Variants in SH2B2 observed in about 807,000 individuals in gnomAD.
SH2B2 encodes SH2B adapter protein 2.
Under a neutral mutation model 35.7 loss-of-function variants are expected in SH2B2, and 37 were observed. That is an observed-to-expected ratio of 1.04 (90% CI 0.80 to 1.36). The LOEUF (loss-of-function observed/expected upper bound fraction) is 1.36. SH2B2 is among the 40% of genes most tolerant of loss of function. The probability of loss-of-function intolerance (pLI) is 0.00; values close to 1 mark genes in which losing one functional copy is unlikely to be tolerated. For synonymous variants in SH2B2, 383 were observed against 376.4 expected, an observed-to-expected ratio of 1.02 and a Z score of -0.20; for missense variants, 852 against 817.7, an observed-to-expected ratio of 1.04 and a Z score of -0.51.
chr7:102,312,425 G>T (rs878983513), intron 4 of SH2B2, among the ~76,000 whole-genome samples: 1 of 152,164 alleles, frequency 6.6e-6, no homozygotes, highest in East Asian at 1.9e-4. Flanking sequence ...GTTCAGCAAA[G>T]TATGGACAGC....
chr7:102,320,207 C>A, intron 7 of SH2B2, 124 bp from the exon 8 acceptor site: 1 of 797,478 alleles, frequency 1.3e-6, no homozygotes, highest in Non-Finnish European at 2.0e-6. Flanking sequence ...TGTGAGGGGC[C>A]CCCGGCCCTG....
Position 102,300,595 on chromosome 7 carries a change from AGTCCCG to A in SH2B2, c.59_64del (p.Val20_Pro21del), listed in dbSNP as rs1401756594. 4 of 1,550,114 alleles carry A rather than the reference AGTCCCG, an allele frequency of 2.6e-6. No individual in the cohort carries two copies. Among genetic ancestry groups the A allele is most frequent in the South Asian group, 1.2e-5 (1 of 83,894 alleles). ...GCCCCGCCGCAGCCGCCCCGGTCCC[AGTCCCG>A]GTCCCGGTCCCGGACTGGCGGCAGT... On this transcript the variant is annotated inframe_deletion, in exon 2 of 9. Transcript: ENST00000444095.
At chr7:102,311,595 C>T (rs968171268) in intron 4 of SH2B2, among the ~76,000 whole-genome samples, 3 of 130,252 alleles carry the variant, frequency 2.3e-5, no homozygotes, top group Admixed American at 1.8e-4. Flanking sequence ...GGATCGGGAT[C>T]GTGCTATGTT....
In SH2B2 at chr7:102,306,832, C is replaced by G; in HGVS notation, c.831+10C>G. The G allele has an allele frequency of 6.4e-7, 1 of 1,555,892 alleles. No individual in the cohort carries two copies. The highest frequency in any genetic ancestry group is 8.7e-7 in the Non-Finnish European group (1 of 1,145,500). On this transcript the variant is annotated intron_variant, in intron 3 of 8. Transcript: ENST00000444095. Reference sequence around the variant, plus strand: ...CACATTCGTCCTCAAGGTGAGGTCTCACCCCTAACCTCAGAGATCCTCCAG... The same window carrying G: ...CACATTCGTCCTCAAGGTGAGGTCTGACCCCTAACCTCAGAGATCCTCCAG...
At chr7:102,285,963 G>T (rs1554550787), upstream of SH2B2, among the ~76,000 whole-genome samples, 1 of 152,144 alleles carries the variant, frequency 6.6e-6, no homozygotes, top group Non-Finnish European at 1.5e-5. Context: ...ACCTCTTTCA[G>T]GAAGCCTCCC....
At chr7:102,288,239 C>T (rs1246742365) in intron 1 of SH2B2, among the ~76,000 whole-genome samples, 2 of 152,052 alleles carry the variant, frequency 1.3e-5, no homozygotes, top group Non-Finnish European at 2.9e-5. Flanking sequence ...CCCTCCTGGC[C>T]TCCCCACTCC....
Position 102,316,255 on chromosome 7 carries a change from T to TG in SH2B2, c.1187-931dup, listed in dbSNP as rs758316624. ...TTGTGCCACTAGACTTCAGCCTGGG[T>TG]GACAGAGCAAGACCCTATCTCAAAA... On this transcript the variant is annotated intron_variant, in intron 6 of 8. Coordinates refer to ENST00000444095, the MANE Select transcript of SH2B2 (RefSeq NM_001359228.2). 4.1e-4 allele frequency among the ~76,000 whole-genome samples: 63 copies of TG among 151,990 alleles called. No individual in the cohort carries two copies. In the Middle Eastern group the frequency reaches 0.01, roughly 25 times the overall value.
intron 2 of SH2B2, among the ~76,000 whole-genome samples, chr7:102,304,663 G>A (rs188487650): frequency 2.5e-4 from 38 of 152,292 alleles, no homozygotes; most frequent in African/African-American, 6.7e-4. Flanking sequence ...CAGGACTGAC[G>A]GACCTCAGAT....
chr7:102,287,222 C>T (rs1457529260), intron 1 of SH2B2, 128 bp downstream of exon 1: 3 of 151,844 alleles, frequency 2.0e-5, no homozygotes, highest in African/African-American at 7.3e-5. Flanking sequence ...CCTTGGTCCG[C>T]GCGTGTCGTC....
intron 1 of SH2B2, among the ~76,000 whole-genome samples, chr7:102,290,285 C>T (rs1252126883): frequency 6.6e-6 from 1 of 151,364 alleles, no homozygotes; most frequent in African/African-American, 2.4e-5. Context: ...GCTCTGTCGA[C>T]CAGGCTGGAG....
rs914553555 is a variant in SH2B2, at chr7:102,315,342, A to G, written c.1186+660A>G. On this transcript the variant is annotated intron_variant, in intron 6 of 8. Transcript: ENST00000444095. ...CATAGCAAGACGCTATCTGTACAAA[A>G]TTTTTGAGACAAGAGTCTCACTTTG... 3.3e-5 allele frequency among the ~76,000 whole-genome samples: 5 copies of G among 151,236 alleles called. No individual in the cohort carries two copies. In the South Asian group the frequency reaches 6.4e-4, roughly 19 times the overall value.
At chr7:102,303,980 G>T (rs967702265) in intron 2 of SH2B2, among the ~76,000 whole-genome samples, 3 of 152,182 alleles carry the variant, frequency 2.0e-5, no homozygotes, top group Admixed American at 6.5e-5. Context: ...TCATGCAAAG[G>T]TGGGGGCATT....
intron 2 of SH2B2, among the ~76,000 whole-genome samples, chr7:102,302,055 T>C (rs1437815799): frequency 6.6e-6 from 1 of 152,224 alleles, no homozygotes; most frequent in Non-Finnish European, 1.5e-5. Context: ...AGACGGGATC[T>C]GACTATGTTG....
chr7:102,315,540 G>C (rs566004158), intron 6 of SH2B2, among the ~76,000 whole-genome samples: 1 of 151,712 alleles, frequency 6.6e-6, no homozygotes, highest in East Asian at 2.0e-4. Flanking sequence ...TGTTGGCCAG[G>C]CTGATCTTGA....
At chr7:102,308,532 C>G (rs150926700) in intron 3 of SH2B2, among the ~76,000 whole-genome samples, 1 of 152,184 alleles carries the variant, frequency 6.6e-6, no homozygotes, top group East Asian at 1.9e-4. Context: ...ATGGCCTCCT[C>G]AGAGGCTGTG....
intron 7 of SH2B2, 88 bp from the exon 8 acceptor site, chr7:102,320,243 G>A: frequency 8.9e-7 from 1 of 1,128,142 alleles, no homozygotes; most frequent in Non-Finnish European, 1.3e-6. Context: ...GCCCCTGTGA[G>A]CCTTGGTCCT....
intron 7 of SH2B2, 129 bp from the exon 8 acceptor site, chr7:102,320,202 G>C: frequency 1.3e-6 from 1 of 754,692 alleles, no homozygotes; most frequent in Non-Finnish European, 2.1e-6. Context: ...TCATGTGTGA[G>C]GGGCCCCCGG....
chr7:102,304,823 A>G (rs370762898), intron 2 of SH2B2, among the ~76,000 whole-genome samples: 4 of 152,356 alleles, frequency 2.6e-5, no homozygotes, highest in African/African-American at 9.6e-5. Flanking sequence ...GGCCCCGTTC[A>G]TGCTTCAAGC....
At chr7:102,296,370 A>T (rs2132930700) in intron 1 of SH2B2, among the ~76,000 whole-genome samples, 1 of 152,284 alleles carries the variant, frequency 6.6e-6, no homozygotes, top group East Asian at 1.9e-4. Flanking sequence ...CCCTGGGAGG[A>T]CAGGCGAGGG....
Sources: allele counts gnomAD v4.1 joint callset (sites outside exome capture counted in the v4.1 genomes callset), GRCh38; gene constraint gnomAD v4.1.1; transcripts MANE v1.5; gene names NCBI Gene and HGNC (gene_info 2026-07-23, HGNC 2026-07-21).